The following SCHIP1 variants were observed in gnomAD, a reference collection of about 807,000 sequenced individuals.
SCHIP1 encodes the protein schwannomin-interacting protein 1.
Under a neutral mutation model 29.7 loss-of-function variants are expected in SCHIP1, and 8 were observed. That is an observed-to-expected ratio of 0.27 (90% confidence interval 0.16 to 0.49). The LOEUF is 0.49. Among genes scored for constraint, SCHIP1 ranks in the 20% least tolerant of loss-of-function variants. The probability of loss-of-function intolerance (pLI) is 0.99; values close to 1 mark genes in which losing one functional copy is unlikely to be tolerated. For synonymous variants in SCHIP1, 76 were observed against 94.9 expected (o/e 0.80, Z 1.16); for missense variants, 193 against 294.6 (o/e 0.66, Z 2.52).
the SCHIP1 span, among the ~76,000 whole-genome samples, chr3:159,515,140 T>G: frequency 0.44 from 67,193 of 151,630 alleles, 15,702 homozygotes; most frequent in East Asian, 0.69. Flanking sequence ...TCAAAACTTC[T>G]GTCTCTCCTT....
the SCHIP1 span, among the ~76,000 whole-genome samples, chr3:159,720,562 A>G: frequency 2.0e-5 from 3 of 151,756 alleles, no homozygotes; most frequent in East Asian, 3.9e-4. Context: ...TTTCTTGTTT[A>G]TTTTGCTCTT....
At chr3:159,388,317 G>C in the SCHIP1 span, among the ~76,000 whole-genome samples, 1 of 151,994 alleles carries the variant, frequency 6.6e-6, no homozygotes, top group Non-Finnish European at 1.5e-5. Flanking sequence ...TAATAGTAAA[G>C]ATTTTACTAA....
At chr3:159,288,213 C>A in the SCHIP1 span, among the ~76,000 whole-genome samples, 1 of 152,160 alleles carries the variant, frequency 6.6e-6, no homozygotes, top group African/African-American at 2.4e-5. Flanking sequence ...AAATCAAAGA[C>A]AACCACACTC....
intron 2 of SCHIP1, among the ~76,000 whole-genome samples, chr3:159,873,930 C>T (rs1306646965): frequency 6.6e-6 from 1 of 152,128 alleles, no homozygotes; most frequent in Non-Finnish European, 1.5e-5. Context: ...ATTGGCCAAA[C>T]TAATTATCAG....
the SCHIP1 span, among the ~76,000 whole-genome samples, chr3:159,507,386 T>A: frequency 6.6e-6 from 1 of 152,230 alleles, no homozygotes. Context: ...TGGGGTTTTC[T>A]AAATATACAA....
chr3:159,395,694 A>T, the SCHIP1 span, among the ~76,000 whole-genome samples: 1 of 152,012 alleles, frequency 6.6e-6, no homozygotes, highest in Non-Finnish European at 1.5e-5. Flanking sequence ...ATAGTTTGTT[A>T]TAATTTCTGT....
the SCHIP1 span, among the ~76,000 whole-genome samples, chr3:159,509,556 C>G: frequency 2.0e-5 from 3 of 152,186 alleles, no homozygotes; most frequent in Non-Finnish European, 4.4e-5. Flanking sequence ...CAGTTTCTTC[C>G]TAGCCTTGAT....
At chr3:159,476,234 C>G in the SCHIP1 span, among the ~76,000 whole-genome samples, 1 of 151,980 alleles carries the variant, frequency 6.6e-6, no homozygotes, top group Admixed American at 6.6e-5. Context: ...CAGTTAAGGG[C>G]TGATAAGGCA....
At chr3:159,780,169 C>T in the SCHIP1 span, among the ~76,000 whole-genome samples, 49 of 152,234 alleles carry the variant, frequency 3.2e-4, no homozygotes, top group African/African-American at 9.9e-4. Context: ...GAAGAGCTCC[C>T]GGGAAATTTA....
At chr3:159,833,965 C>T in the SCHIP1 span, among the ~76,000 whole-genome samples, 1 of 152,186 alleles carries the variant, frequency 6.6e-6, no homozygotes, top group African/African-American at 2.4e-5. Flanking sequence ...GGATGCATCC[C>T]TCTGTCTTTG....
At chr3:159,584,534 G>A in the SCHIP1 span, among the ~76,000 whole-genome samples, 1 of 152,150 alleles carries the variant, frequency 6.6e-6, no homozygotes, top group Admixed American at 6.6e-5. Context: ...AATTTTTCTA[G>A]CCGGAGTTAC....
At chr3:159,517,198 GATTAT>G in the SCHIP1 span, among the ~76,000 whole-genome samples, 3 of 152,082 alleles carry the variant, frequency 2.0e-5, no homozygotes, top group Admixed American at 1.3e-4. Flanking sequence ...GTGTTTTATG[GATTAT>G]ATTATCAGAA....
the SCHIP1 span, among the ~76,000 whole-genome samples, chr3:159,417,407 C>T: frequency 1.3e-5 from 2 of 152,190 alleles, no homozygotes; most frequent in African/African-American, 4.8e-5. Context: ...TAAAATTAAT[C>T]TTTATCCATG....
the SCHIP1 span, among the ~76,000 whole-genome samples, chr3:159,680,727 TATAATATAC>T: frequency 1.1e-5 from 1 of 92,916 alleles, no homozygotes. Flanking sequence ...TATGTATATA[TATAATATAC>T]ATATATAATA....
the SCHIP1 span, among the ~76,000 whole-genome samples, chr3:159,542,792 T>C: frequency 6.6e-6 from 1 of 152,098 alleles, no homozygotes; most frequent in Admixed American, 6.6e-5. Context: ...ATTGAGGGAA[T>C]GGAGCTATGC....
chr3:159,705,093 A>T, the SCHIP1 span, among the ~76,000 whole-genome samples: 1 of 150,194 alleles, frequency 6.7e-6, no homozygotes, highest in Admixed American at 6.9e-5. Flanking sequence ...CCTCCTGAGT[A>T]GCTGAGATTA....
the SCHIP1 span, among the ~76,000 whole-genome samples, chr3:159,531,665 C>T: frequency 2.0e-5 from 3 of 152,112 alleles, no homozygotes; most frequent in Non-Finnish European, 4.4e-5. Flanking sequence ...GAAAGTCATG[C>T]CCTGAGCTTA....
the SCHIP1 span, among the ~76,000 whole-genome samples, chr3:159,724,678 G>T: frequency 6.6e-6 from 1 of 152,204 alleles, no homozygotes; most frequent in East Asian, 1.9e-4. Flanking sequence ...TTGAAATATC[G>T]GGGAGGATGT....
At chr3:159,760,966 G>A in the SCHIP1 span, among the ~76,000 whole-genome samples, 5 of 152,324 alleles carry the variant, frequency 3.3e-5, no homozygotes, top group East Asian at 1.9e-4. Flanking sequence ...GGGCACGTGC[G>A]AATGTCACCC....
Sources: allele counts gnomAD v4.1 joint callset (sites outside exome capture counted in the v4.1 genomes callset), GRCh38; gene constraint gnomAD v4.1.1; transcripts MANE v1.5; gene names NCBI Gene and HGNC (gene_info 2026-07-23, HGNC 2026-07-21).